The following INSYN2A variants were observed in gnomAD, a reference collection of about 807,000 sequenced individuals.
INSYN2A encodes the protein family with sequence similarity 196 member A.
INSYN2A carries 17 observed loss-of-function variants against 39.4 expected under a neutral mutation model. The ratio of observed to expected loss-of-function variants is 0.43; its 90% confidence interval spans 0.30 to 0.65. The LOEUF is 0.65. Ranked by LOEUF, INSYN2A falls within the 30% of genes least tolerant of loss-of-function variation. The pLI, the probability that INSYN2A is intolerant of heterozygous loss-of-function variation, is 0.14. For missense variants in INSYN2A, 595 were observed against 631.2 expected (o/e 0.94, Z 0.61); for synonymous variants, 255 against 265.7 (o/e 0.96, Z 0.39).
At chr10:127,188,004 T>C (rs1162689252) in intron 2 of INSYN2A, among the ~76,000 whole-genome samples, 1 of 152,182 alleles carries the variant, frequency 6.6e-6, no homozygotes, top group African/African-American at 2.4e-5. Flanking sequence ...CTTAGAGAAG[T>C]TTGTGGCATA....
intron 4 of INSYN2A, among the ~76,000 whole-genome samples, chr10:127,169,057 A>T (rs770962892): frequency 6.6e-6 from 1 of 152,196 alleles, no homozygotes; most frequent in Non-Finnish European, 1.5e-5. Flanking sequence ...TCAATATTCT[A>T]GGTTAACGCA....
At chr10:127,143,514 C>G (rs1240869640) in intron 5 of INSYN2A, among the ~76,000 whole-genome samples, 1 of 152,216 alleles carries the variant, frequency 6.6e-6, no homozygotes, top group African/African-American at 2.4e-5. Context: ...CAGCAGTCTC[C>G]TGGAACAAGG....
chr10:127,182,940 G>A (rs1321678146), intron 2 of INSYN2A, among the ~76,000 whole-genome samples: 6 of 152,128 alleles, frequency 3.9e-5, no homozygotes, highest in African/African-American at 7.2e-5. Context: ...CATCAGAGGC[G>A]GGAGTTGGCA....
At chr10:127,145,444 T>A (rs1293825517) in intron 5 of INSYN2A, among the ~76,000 whole-genome samples, 1 of 152,218 alleles carries the variant, frequency 6.6e-6, no homozygotes, top group Non-Finnish European at 1.5e-5. Context: ...ACACTGCTGT[T>A]CCTGACCTCA....
chr10:127,143,051 G>A (rs1227777406), intron 5 of INSYN2A, among the ~76,000 whole-genome samples: 2 of 152,144 alleles, frequency 1.3e-5, no homozygotes, highest in Admixed American at 6.5e-5. Flanking sequence ...TTTGCAGAGC[G>A]GCATCCTTCT....
intron 4 of INSYN2A, among the ~76,000 whole-genome samples, chr10:127,156,564 T>TC: frequency 4.2e-5 from 5 of 119,394 alleles, no homozygotes; most frequent in African/African-American, 1.3e-4. Flanking sequence ...TTCTTCTTCT[T>TC]TTTTTTTTTT....
In INSYN2A at chr10:127,165,719, A is replaced by C. The variant is rs529847307; in HGVS notation, c.1184+9493T>G. Among the ~76,000 whole-genome samples, 70 of 152,284 alleles carry C rather than the reference A, an allele frequency of 4.6e-4. 1 individual carries two copies. The highest frequency in any genetic ancestry group is 1.6e-3 in the African/African-American group (65 of 41,568). On this transcript the variant is annotated intron_variant, in intron 4 of 5. Coordinates refer to ENST00000522781, the MANE Select transcript of INSYN2A (RefSeq NM_001039762.3). Reference sequence around the variant, plus strand: ...CACTGATATTACAAATGGCCTGTGAACTGGGTTCCCAGGCAGGTTCCTCAA... The same window carrying C: ...CACTGATATTACAAATGGCCTGTGACCTGGGTTCCCAGGCAGGTTCCTCAA...
chr10:127,185,126 G>A (rs2056108208), intron 2 of INSYN2A, among the ~76,000 whole-genome samples: 1 of 152,188 alleles, frequency 6.6e-6, no homozygotes, highest in Admixed American at 6.5e-5. Flanking sequence ...ACTTTGCTTT[G>A]CTTTGTGTCG....
chr10:127,152,020 TATA>T (rs796227455), intron 5 of INSYN2A, among the ~76,000 whole-genome samples: 4 of 152,112 alleles, frequency 2.6e-5, no homozygotes, highest in African/African-American at 4.8e-5. Flanking sequence ...CATATATATA[TATA>T]TTTTTTTTCG....
intron 4 of INSYN2A, among the ~76,000 whole-genome samples, chr10:127,166,625 G>A (rs2054112363): frequency 6.6e-6 from 1 of 152,214 alleles, no homozygotes; most frequent in Non-Finnish European, 1.5e-5. Flanking sequence ...CAAAATAGGT[G>A]ACCTCTGTAG....
intron 2 of INSYN2A, among the ~76,000 whole-genome samples, chr10:127,181,206 A>G (rs1298222917): frequency 2.6e-5 from 4 of 152,212 alleles, no homozygotes; most frequent in African/African-American, 9.7e-5. Context: ...GTGCCTGCGT[A>G]TGTATTTGGC....
At chr10:127,144,631 G>C (rs1218902201) in intron 5 of INSYN2A, among the ~76,000 whole-genome samples, 1 of 152,014 alleles carries the variant, frequency 6.6e-6, no homozygotes. Flanking sequence ...TATTTATTCT[G>C]TCTATAGAAT....
At chr10:127,144,569 G>C (rs2051607362) in intron 5 of INSYN2A, among the ~76,000 whole-genome samples, 1 of 152,182 alleles carries the variant, frequency 6.6e-6, no homozygotes, top group African/African-American at 2.4e-5. Flanking sequence ...TCAGCAAAGT[G>C]CTGCCGCCCT....
At chr10:127,195,410 A>T (rs956240404) in intron 1 of INSYN2A, among the ~76,000 whole-genome samples, 1 of 151,552 alleles carries the variant, frequency 6.6e-6, no homozygotes, top group African/African-American at 2.4e-5. Flanking sequence ...AGCCCCGGGA[A>T]GGTGCCAACC....
intron 1 of INSYN2A, among the ~76,000 whole-genome samples, chr10:127,194,653 G>A (rs2056974380): frequency 6.6e-6 from 1 of 152,182 alleles, no homozygotes; most frequent in South Asian, 2.1e-4. Flanking sequence ...AGCCAGCGCA[G>A]TCACTCTGAC....
chr10:127,145,439 G>A (rs551092565), intron 5 of INSYN2A, among the ~76,000 whole-genome samples: 2 of 152,300 alleles, frequency 1.3e-5, no homozygotes, highest in East Asian at 3.9e-4. Context: ...GCAGAACACT[G>A]CTGTTCCTGA....
intron 2 of INSYN2A, among the ~76,000 whole-genome samples, chr10:127,181,193 T>C (rs1453250473): frequency 1.3e-5 from 2 of 152,262 alleles, no homozygotes; most frequent in Non-Finnish European, 2.9e-5. Context: ...CATAGGTATA[T>C]ACGTGCCTGC....
intron 2 of INSYN2A, among the ~76,000 whole-genome samples, chr10:127,186,507 G>T (rs1780107): frequency 1.7e-4 from 1 of 5,912 alleles, no homozygotes; most frequent in African/African-American, 3.2e-4. Flanking sequence ...GGGAGAAACC[G>T]CCCCCCCGCC....
At chr10:127,170,578 C>T (rs528760923) in intron 4 of INSYN2A, among the ~76,000 whole-genome samples, 140 of 152,304 alleles carry the variant, frequency 9.2e-4, no homozygotes, top group Non-Finnish European at 1.6e-3. Context: ...AGGCAAAGAG[C>T]GCTGTCGGGG....
Sources: allele counts gnomAD v4.1 joint callset (sites outside exome capture counted in the v4.1 genomes callset), GRCh38; gene constraint gnomAD v4.1.1; transcripts MANE v1.5; gene names NCBI Gene and HGNC (gene_info 2026-07-23, HGNC 2026-07-21).